The following INTS6L variants were observed in gnomAD, a reference collection of about 807,000 sequenced individuals.
The protein encoded by INTS6L is integrator complex subunit 6-like.
In INTS6L, 18 loss-of-function variants were observed where a neutral mutation model predicts 64.7. The ratio of observed to expected loss-of-function variants is 0.28; its 90% CI spans 0.19 to 0.41. INTS6L has a LOEUF of 0.41. Among genes scored for constraint, INTS6L ranks in the 10% least tolerant of loss-of-function variants. The pLI is 1.00. For missense variants in INTS6L, 533 were observed against 661.0 expected (o/e 0.81, Z 2.12); for synonymous variants, 227 against 235.9 (o/e 0.96, Z 0.34).
At chrX:135,569,716 A>G (rs1272631081) in intron 10 of INTS6L, 3 of 146,496 alleles carry the variant, frequency 2.0e-5, no homozygotes, top group African/African-American at 9.3e-5. Context: ...TTTCATTGGA[A>G]TTTAAGAATA....
chrX:135,563,304 G>C (rs1439392558), intron 9 of INTS6L, among the ~76,000 whole-genome samples: 1 of 110,286 alleles, frequency 9.1e-6, no homozygotes, highest in African/African-American at 3.3e-5. Context: ...ACTATTTTAT[G>C]TACAATTAGA....
At chrX:135,521,701 G>A (rs1351102697) in intron 2 of INTS6L, among the ~76,000 whole-genome samples, 3 of 108,247 alleles carry the variant, frequency 2.8e-5, no homozygotes, top group African/African-American at 1.0e-4. Flanking sequence ...CCGAAACCCG[G>A]AGGGAGGCTG....
chrX:135,560,585 G>C (rs2086762656), intron 9 of INTS6L, among the ~76,000 whole-genome samples: 1 of 112,057 alleles, frequency 8.9e-6, no homozygotes, highest in Admixed American at 9.4e-5. Flanking sequence ...GCTCACGCCT[G>C]TAATCTCAGC....
intron 9 of INTS6L, among the ~76,000 whole-genome samples, chrX:135,558,787 CTTTTTT>C (rs1164910175): frequency 3.2e-5 from 3 of 94,671 alleles, no homozygotes; most frequent in African/African-American, 1.2e-4. Flanking sequence ...TTTCTTTTTT[CTTTTTT>C]TTTTTTTTTT....
At chrX:135,524,097 G>A (rs782759637) in intron 2 of INTS6L, among the ~76,000 whole-genome samples, 20 of 111,147 alleles carry the variant, frequency 1.8e-4, no homozygotes, top group African/African-American at 4.6e-4. Context: ...TTCTTTTTCC[G>A]AGTCTCTCTT....
In INTS6L at chrX:135,577,232, C is replaced by T. The variant is rs782349893; in HGVS notation, c.1924C>T (p.Pro642Ser). ...TGAAGCAGATGAGTTTGTAGCAGGGCCACAAAACAAAGTGAAACGTCCAGG... is the reference window on the plus strand; with the variant it reads ...TGAAGCAGATGAGTTTGTAGCAGGGTCACAAAACAAAGTGAAACGTCCAGG... ...IDEADEFVAGPQNKVKRPGEP... is the reference protein window; with the variant it reads ...IDEADEFVAGSQNKVKRPGEP... The change falls in exon 15 of 18, where the codon CCA (proline) becomes TCA (serine). Residue 642 changes from proline to serine, a missense_variant. Physicochemically the swap from Pro to Ser is moderately conservative, Grantham distance 74. Transcript: ENST00000639893. 2 of 1,211,132 alleles carry T rather than the reference C, an allele frequency of 1.7e-6. No individual in the cohort carries two copies. The highest frequency in any genetic ancestry group is 2.2e-6 in the Non-Finnish European group (2 of 895,324).
chrX:135,559,511 T>C (rs2086727985), intron 9 of INTS6L, among the ~76,000 whole-genome samples: 1 of 112,323 alleles, frequency 8.9e-6, no homozygotes, highest in Admixed American at 9.4e-5. Flanking sequence ...AACTATGACA[T>C]TAATATACCA....
chrX:135,520,951 G>A lies in INTS6L; in HGVS notation c.-42G>A, dbSNP rs782444954. 5.1e-6 allele frequency: 6 copies of A among 1,180,410 alleles called. No individual in the cohort carries two copies. Among genetic ancestry groups the A allele is most frequent in the Non-Finnish European group, 6.9e-6 (6 of 870,745 alleles). ...GCCGTACGCGGCAGTGAGGGCAAGA[G>A]GGCCGGGAGAGTGGGGAGCGGAGGC... On this transcript the variant is annotated 5_prime_UTR_variant, in exon 1 of 18. Transcript: ENST00000639893.
chrX:135,557,065 C>T (rs1486277117), intron 9 of INTS6L, among the ~76,000 whole-genome samples: 3 of 111,607 alleles, frequency 2.7e-5, no homozygotes, highest in African/African-American at 9.8e-5. Context: ...TTTTACATGT[C>T]GATTTAAGAA....
intron 9 of INTS6L, among the ~76,000 whole-genome samples, chrX:135,568,654 A>G (rs1418911915): frequency 9.0e-6 from 1 of 110,890 alleles, no homozygotes; most frequent in Non-Finnish European, 1.9e-5. Context: ...GGCTCAAGCA[A>G]TCCTCCTGCC....
intron 2 of INTS6L, among the ~76,000 whole-genome samples, chrX:135,533,582 T>C (rs1208375577): frequency 1.1e-4 from 12 of 108,998 alleles, no homozygotes; most frequent in Non-Finnish European, 9.5e-5. Context: ...ACCCAGTGTG[T>C]GTGGTTCCCC....
intron 2 of INTS6L, among the ~76,000 whole-genome samples, chrX:135,534,866 G>A (rs1003565462): frequency 2.7e-5 from 3 of 109,121 alleles, no homozygotes; most frequent in East Asian, 2.9e-4. Flanking sequence ...GAGGAGTCTC[G>A]CTGTGTTGCC....
At position 135,521,117 on chromosome X, in the gene INTS6L, AGGGGAGAGAT is replaced by A; in HGVS notation, c.111+23_111+32del. On this transcript the variant is annotated intron_variant, in intron 1 of 17. Transcript: ENST00000639893. ...TTATTCTTGAAGGTAAAGGGAGGGG[AGGGGAGAGAT>A]GGGGAGAGCTCCCGAGGGATTTCAG... The A allele has an allele frequency of 8.3e-7, 1 of 1,202,205 alleles. No individual in the cohort carries two copies. Among genetic ancestry groups the A allele is most frequent in the Non-Finnish European group, 1.1e-6 (1 of 888,328 alleles).
chrX:135,554,126 G>T (rs1416171512), intron 8 of INTS6L, among the ~76,000 whole-genome samples: 1 of 111,982 alleles, frequency 8.9e-6, no homozygotes, highest in African/African-American at 3.2e-5. Flanking sequence ...GACTTACATT[G>T]TCTGAACTAG....
Position 135,549,627 on chromosome X carries a change from T to G in INTS6L, c.743-15T>G. The G allele has an allele frequency of 2.5e-6, 3 of 1,192,547 alleles. No homozygotes were observed. Among genetic ancestry groups the G allele is most frequent in the Non-Finnish European group, 3.4e-6 (3 of 885,860 alleles). ...AGAAACTCACGCCTTAGTTTGTCTT[T>G]TGTTTAACTTTTAGATGGACTTATG... On this transcript the variant is annotated splice_polypyrimidine_tract_variant and intron_variant, in intron 6 of 17. Coordinates refer to ENST00000639893, the MANE Select transcript of INTS6L (RefSeq NM_001351601.3).
chrX:135,536,767 G>C (rs2086065965), intron 2 of INTS6L, among the ~76,000 whole-genome samples: 1 of 111,534 alleles, frequency 9.0e-6, no homozygotes, highest in Admixed American at 9.5e-5. Flanking sequence ...AAGTTTAGGG[G>C]AGCCACTAAA....
intron 9 of INTS6L, among the ~76,000 whole-genome samples, chrX:135,562,816 G>T (rs781812350): frequency 8.9e-6 from 1 of 111,819 alleles, no homozygotes; most frequent in African/African-American, 3.2e-5. Flanking sequence ...TTTGATGTTT[G>T]CATGATATAT....
intron 2 of INTS6L, among the ~76,000 whole-genome samples, chrX:135,524,446 G>C (rs2085674382): frequency 9.3e-6 from 1 of 106,989 alleles, no homozygotes; most frequent in Admixed American, 9.7e-5. Context: ...TGCAGAATAT[G>C]AGTGTTTTTT....
intron 2 of INTS6L, among the ~76,000 whole-genome samples, chrX:135,537,770 A>C (rs1480354814): frequency 2.7e-5 from 3 of 112,543 alleles, no homozygotes; most frequent in Non-Finnish European, 5.6e-5. Flanking sequence ...TACCATGAAG[A>C]TAGTGCAGGT....
Sources: allele counts gnomAD v4.1 joint callset (sites outside exome capture counted in the v4.1 genomes callset), GRCh38; gene constraint gnomAD v4.1.1; transcripts MANE v1.5; gene names NCBI Gene and HGNC (gene_info 2026-07-23, HGNC 2026-07-21).